The following MAML2 variants were observed in gnomAD, a reference collection of about 807,000 sequenced individuals.
MAML2 encodes the protein mastermind-like protein 2.
Under a neutral mutation model 96.1 loss-of-function variants are expected in MAML2, and 22 were observed. The observed-to-expected ratio is 0.23, with a 90% CI of 0.16 to 0.33. MAML2 has a LOEUF of 0.33. Ranked by LOEUF, MAML2 falls within the 10% of genes least tolerant of loss-of-function variation. The pLI, the probability that MAML2 is intolerant of heterozygous loss-of-function variation, is 1.00. For missense variants in MAML2, 1,367 were observed against 1,392.4 expected (o/e 0.98, Z 0.29); for synonymous variants, 561 against 521.3 (o/e 1.08, Z -1.04).
intron 1 of MAML2, among the ~76,000 whole-genome samples, chr11:96,269,785 A>C (rs988353432): frequency 6.9e-6 from 1 of 144,034 alleles, no homozygotes; most frequent in Non-Finnish European, 1.5e-5. Flanking sequence ...TGTTGGGTTT[A>C]CAGGTGTGAG....
Position 96,166,658 on chromosome 11 carries a change from G to T in MAML2, c.514-73141C>A, listed in dbSNP as rs778549888. Among the ~76,000 whole-genome samples, 6 of 152,326 alleles carry T rather than the reference G, an allele frequency of 3.9e-5. No individual in the cohort carries two copies. The East Asian group carries it at 9.6e-4, about 24-fold the overall frequency. On this transcript the variant is annotated intron_variant, in intron 1 of 4. Coordinates refer to ENST00000524717, the MANE Select transcript of MAML2 (RefSeq NM_032427.4). ...TGGCATTCACCCAGATGGGGAAGGG[G>T]ATGTTATGTGTCTGTCACAGGTGAA...
intron 1 of MAML2, among the ~76,000 whole-genome samples, chr11:96,156,271 C>T (rs1861009912): frequency 6.6e-6 from 1 of 152,222 alleles, no homozygotes; most frequent in South Asian, 2.1e-4. Context: ...TGTGCCCAGG[C>T]AGCCTCCTCC....
chr11:96,276,183 T>A (rs1375151463), intron 1 of MAML2, among the ~76,000 whole-genome samples: 1 of 152,178 alleles, frequency 6.6e-6, no homozygotes, highest in African/African-American at 2.4e-5. Context: ...ATTCTCTACT[T>A]CTAGAGAAAG....
rs948318007 is a variant in MAML2, at chr11:96,258,767, T to C, written c.513+82616A>G. On this transcript the variant is annotated intron_variant, in intron 1 of 4. Coordinates refer to ENST00000524717, the MANE Select transcript of MAML2 (RefSeq NM_032427.4). ...TCTGCCTAGGGCATAAACGAAATTA[T>C]AACAACAGTGAGAGAGCCAATGGGA... 2.0e-5 allele frequency among the ~76,000 whole-genome samples: 3 copies of C among 152,314 alleles called. No individual in the cohort carries two copies. In the South Asian group the frequency reaches 6.2e-4, roughly 32 times the overall value.
At chr11:96,076,694 G>A (rs1313579258) in intron 2 of MAML2, among the ~76,000 whole-genome samples, 1 of 152,094 alleles carries the variant, frequency 6.6e-6, no homozygotes, top group African/African-American at 2.4e-5. Flanking sequence ...CAATAGAGGG[G>A]TCTCCCACAC....
chr11:96,206,660 A>G (rs1166274282), intron 1 of MAML2, among the ~76,000 whole-genome samples: 1 of 152,204 alleles, frequency 6.6e-6, no homozygotes, highest in Non-Finnish European at 1.5e-5. Context: ...AACCCATTTC[A>G]TTTTGTGCTT....
Position 96,023,985 on chromosome 11 carries a change from A to G in MAML2, c.2140-32262T>C, listed in dbSNP as rs79083730. ...GATTAATTAAACTGCAAACCTTCTCAGTTGTCTAGGTCTGGAGAAAGTTAA... is the reference window on the plus strand; with the variant it reads ...GATTAATTAAACTGCAAACCTTCTCGGTTGTCTAGGTCTGGAGAAAGTTAA... On this transcript the variant is annotated intron_variant, in intron 2 of 4. Coordinates refer to ENST00000524717, the MANE Select transcript of MAML2 (RefSeq NM_032427.4). Among the ~76,000 whole-genome samples the G allele has an allele frequency of 7.9e-5, 12 of 152,334 alleles. No individual in the cohort carries two copies. In the East Asian group the frequency reaches 2.1e-3, roughly 27 times the overall value.
intron 1 of MAML2, among the ~76,000 whole-genome samples, chr11:96,260,955 A>G (rs543730): frequency 6.6e-6 from 1 of 152,130 alleles, no homozygotes; most frequent in Non-Finnish European, 1.5e-5. Flanking sequence ...TGAAGGTAAA[A>G]CCAATATAGC....
At chr11:96,157,073 G>A (rs542555737) in intron 1 of MAML2, among the ~76,000 whole-genome samples, 14 of 152,358 alleles carry the variant, frequency 9.2e-5, no homozygotes, top group African/African-American at 3.4e-4. Context: ...GAGGAAGGAA[G>A]TGCCAGAAAG....
At chr11:96,275,065 T>TATAG (rs1264917543) in intron 1 of MAML2, among the ~76,000 whole-genome samples, 1 of 152,130 alleles carries the variant, frequency 6.6e-6, no homozygotes, top group Non-Finnish European at 1.5e-5. Flanking sequence ...TATTCCATTG[T>TATAG]ATAGATGTAT....
chr11:96,098,546 T>C (rs976395225), intron 1 of MAML2, among the ~76,000 whole-genome samples: 14 of 152,248 alleles, frequency 9.2e-5, no homozygotes, highest in Admixed American at 2.0e-4. Flanking sequence ...GGAATGATTT[T>C]CAACAAGGGA....
At chr11:96,312,768 G>A (rs11828248) in intron 1 of MAML2, among the ~76,000 whole-genome samples, 4,472 of 152,168 alleles carry the variant, frequency 0.029, 207 homozygotes, top group African/African-American at 0.1. Context: ...CCATCACACC[G>A]TCTATCTCCA....
At chr11:96,222,779 T>C (rs909985504) in intron 1 of MAML2, among the ~76,000 whole-genome samples, 16 of 152,218 alleles carry the variant, frequency 1.1e-4, no homozygotes, top group African/African-American at 3.9e-4. Context: ...TAGTGACTAG[T>C]GTGCTAGGGA....
At chr11:96,124,366 G>A (rs1284951503) in intron 1 of MAML2, among the ~76,000 whole-genome samples, 3 of 152,108 alleles carry the variant, frequency 2.0e-5, no homozygotes, top group Non-Finnish European at 2.9e-5. Flanking sequence ...CAGTAATTAC[G>A]ACACAGGATG....
intron 2 of MAML2, among the ~76,000 whole-genome samples, chr11:96,055,232 C>T (rs912683509): frequency 6.6e-6 from 1 of 152,190 alleles, no homozygotes; most frequent in Non-Finnish European, 1.5e-5. Context: ...TCTTGCCATG[C>T]CCATGGCACT....
intron 1 of MAML2, among the ~76,000 whole-genome samples, chr11:96,168,242 C>A (rs994401102): frequency 3.9e-5 from 6 of 152,172 alleles, no homozygotes; most frequent in African/African-American, 1.4e-4. Context: ...TTTATGAAAG[C>A]AATCAGTATA....
chr11:96,158,990 G>A (rs1041810937), intron 1 of MAML2, among the ~76,000 whole-genome samples: 23 of 152,176 alleles, frequency 1.5e-4, no homozygotes, highest in Admixed American at 6.5e-4. Flanking sequence ...AGTGGGGAAA[G>A]GGCTGCTTCT....
At chr11:96,265,113 T>C (rs767980287) in intron 1 of MAML2, among the ~76,000 whole-genome samples, 2 of 152,144 alleles carry the variant, frequency 1.3e-5, no homozygotes, top group Non-Finnish European at 2.9e-5. Flanking sequence ...CTGACTTTCA[T>C]TAGGAATGTG....
intron 1 of MAML2, among the ~76,000 whole-genome samples, chr11:96,246,609 A>G: frequency 6.6e-6 from 1 of 152,150 alleles, no homozygotes; most frequent in Admixed American, 6.6e-5. Flanking sequence ...TTAGTATAAA[A>G]CCAGTGAGAA....
Sources: allele counts gnomAD v4.1 joint callset (sites outside exome capture counted in the v4.1 genomes callset), GRCh38; gene constraint gnomAD v4.1.1; transcripts MANE v1.5; gene names NCBI Gene and HGNC (gene_info 2026-07-23, HGNC 2026-07-21).